Variants in FNIP2 observed in about 807,000 individuals in gnomAD.
FNIP2 encodes folliculin interacting protein 2.
FNIP2 carries 32 observed loss-of-function variants against 108.7 expected under a neutral mutation model. The observed-to-expected ratio is 0.29, with a 90% CI of 0.22 to 0.40. The LOEUF (loss-of-function observed/expected upper bound fraction) is 0.40, where lower values mean the gene tolerates loss of function less well. Among genes scored for constraint, FNIP2 ranks in the 10% least tolerant of loss-of-function variants. FNIP2 has a pLI of 1.00. For synonymous variants in FNIP2, 480 were observed against 496.7 expected, an observed-to-expected ratio of 0.97 and a Z score of 0.45; for missense variants, 1,202 against 1,381.6, an observed-to-expected ratio of 0.87 and a Z score of 2.06.
intron 1 of FNIP2, among the ~76,000 whole-genome samples, chr4:158,810,569 AG>A (rs1232922116): frequency 5.9e-5 from 9 of 152,340 alleles, no homozygotes; most frequent in African/African-American, 2.2e-4. Flanking sequence ...TGTCTGATTT[AG>A]GGTTCAAGAA....
At chr4:158,899,288 G>A (rs1485762813) in intron 16 of FNIP2, among the ~76,000 whole-genome samples, 1 of 152,188 alleles carries the variant, frequency 6.6e-6, no homozygotes, top group Non-Finnish European at 1.5e-5. Flanking sequence ...ATGTTCATCA[G>A]GGATATTGGC....
intron 15 of FNIP2, among the ~76,000 whole-genome samples, chr4:158,892,929 G>C (rs1782377070): frequency 6.6e-6 from 1 of 151,948 alleles, no homozygotes; most frequent in African/African-American, 2.4e-5. Flanking sequence ...ATCTATACTT[G>C]TACCCATTCC....
At chr4:158,830,790 G>A (rs1778439562) in intron 3 of FNIP2, among the ~76,000 whole-genome samples, 1 of 152,154 alleles carries the variant, frequency 6.6e-6, no homozygotes. Flanking sequence ...TTGCTTTGGT[G>A]GCACACTGGT....
chr4:158,807,370 G>T (rs1450044171), intron 1 of FNIP2, among the ~76,000 whole-genome samples: 5 of 152,104 alleles, frequency 3.3e-5, no homozygotes, highest in Non-Finnish European at 5.9e-5. Context: ...GGGCATGGGG[G>T]CATGCAACTG....
At chr4:158,837,443 CAAAG>C (rs1778872669) in intron 7 of FNIP2, among the ~76,000 whole-genome samples, 1 of 152,118 alleles carries the variant, frequency 6.6e-6, no homozygotes, top group Non-Finnish European at 1.5e-5. Flanking sequence ...AGGGACCTAA[CAAAG>C]AAACATTATT....
At chr4:158,859,904 G>A (rs1035190539) in intron 10 of FNIP2, among the ~76,000 whole-genome samples, 1 of 152,164 alleles carries the variant, frequency 6.6e-6, no homozygotes, top group African/African-American at 2.4e-5. Context: ...CAGGATGAAT[G>A]GGGAAAACTA....
At chr4:158,885,013 G>A (rs1363627689) in intron 14 of FNIP2, among the ~76,000 whole-genome samples, 4 of 151,766 alleles carry the variant, frequency 2.6e-5, no homozygotes, top group African/African-American at 9.7e-5. Flanking sequence ...AAAATTAGCT[G>A]GGCATGGTGG....
At chr4:158,830,324 G>A (rs578151754) in intron 3 of FNIP2, among the ~76,000 whole-genome samples, 5 of 137,324 alleles carry the variant, frequency 3.6e-5, no homozygotes, top group African/African-American at 5.4e-5. Flanking sequence ...CTGCAGTGGC[G>A]CAATCTCGGC....
chr4:158,876,620 C>T (rs1290703723), intron 14 of FNIP2, among the ~76,000 whole-genome samples: 1 of 152,204 alleles, frequency 6.6e-6, no homozygotes, highest in Non-Finnish European at 1.5e-5. Flanking sequence ...AGATGTGTTC[C>T]TCTACTAGGG....
At chr4:158,861,852 C>T in intron 12 of FNIP2, 76 bp downstream of exon 12, 1 of 1,506,060 alleles carries the variant, frequency 6.6e-7, no homozygotes, top group South Asian at 1.2e-5. Context: ...GTAGTTTATA[C>T]CGGCTCTCTC....
chr4:158,831,213 T>TCAACTGCTAAGAGGTAAGTCATTG (rs1355009818), intron 3 of FNIP2, among the ~76,000 whole-genome samples: 1 of 152,134 alleles, frequency 6.6e-6, no homozygotes, highest in Non-Finnish European at 1.5e-5. Context: ...TGAACTAGTT[T>TCAACTGCTAAGAGGTAAGTCATTG]GAGCTAAGAG....
chr4:158,856,701 C>G (rs1237422237), intron 8 of FNIP2, among the ~76,000 whole-genome samples: 1 of 152,162 alleles, frequency 6.6e-6, no homozygotes, highest in Non-Finnish European at 1.5e-5. Flanking sequence ...GTTCTAACTC[C>G]AGCATTGTTA....
chr4:158,855,218 A>G (rs961533639), intron 8 of FNIP2, among the ~76,000 whole-genome samples: 1 of 152,160 alleles, frequency 6.6e-6, no homozygotes, highest in Non-Finnish European at 1.5e-5. Context: ...ATCCGAACAC[A>G]TGCTTCATTG....
At chr4:158,791,041 A>C (rs1446615437) in intron 1 of FNIP2, among the ~76,000 whole-genome samples, 1 of 152,120 alleles carries the variant, frequency 6.6e-6, no homozygotes, top group Non-Finnish European at 1.5e-5. Context: ...TTTTCTGAAA[A>C]CCTAACCTAA....
Position 158,868,812 on chromosome 4 carries a change from T to C in FNIP2, c.2176T>C (p.Ser726Pro), listed in dbSNP as rs1031009231. ...CACTTTCCAGATTGGAAGCTTTGCA[T>C]CTCCAGAGTCTGACTTTGAAAGCCG... is the stretch of plus-strand genomic sequence containing the variant. ...KVTFQIGSFA[S>P]PESDFESRMK... Residue 726 changes from serine to proline, a missense_variant, in exon 13 of 17, where the codon TCT becomes CCT. Physicochemically the swap from Ser to Pro is moderately conservative, Grantham distance 74. Transcript: ENST00000264433. The surrounding 1 kb of genome is among the most constrained non-coding windows in gnomAD (Gnocchi z 4.6). 6.2e-7 allele frequency: 1 copy of C among 1,613,632 alleles called. No individual in the cohort carries two copies.
intron 14 of FNIP2, among the ~76,000 whole-genome samples, chr4:158,876,973 A>G (rs988162277): frequency 6.6e-6 from 1 of 152,128 alleles, no homozygotes; most frequent in South Asian, 2.1e-4. Context: ...AGTTAGACAC[A>G]TGTCTAATTT....
At chr4:158,837,959 G>T (rs1003832739) in intron 7 of FNIP2, among the ~76,000 whole-genome samples, 1 of 152,188 alleles carries the variant, frequency 6.6e-6, no homozygotes, top group Non-Finnish European at 1.5e-5. Context: ...ACCTAGGAGT[G>T]GTTCAGAAGT....
intron 8 of FNIP2, among the ~76,000 whole-genome samples, chr4:158,853,595 C>T (rs1779819147): frequency 6.6e-6 from 1 of 152,152 alleles, no homozygotes; most frequent in Non-Finnish European, 1.5e-5. Context: ...GGACATTGTT[C>T]AGTGCCCACC....
At chr4:158,801,627 C>A (rs528262739) in intron 1 of FNIP2, among the ~76,000 whole-genome samples, 1 of 152,326 alleles carries the variant, frequency 6.6e-6, no homozygotes, top group African/African-American at 2.4e-5. Flanking sequence ...GAAGATATTA[C>A]TACTGCCTAC....
Sources: gnomAD v4.1 joint callset for allele counts (sites outside exome capture counted in the v4.1 genomes callset) on GRCh38, gnomAD v4.1.1 for gene constraint, Gnocchi (gnomAD v3.1) non-coding constraint, MANE v1.5 for transcripts, NCBI Gene and HGNC (gene_info 2026-07-23, HGNC 2026-07-21) for gene names.